Variants in UBE2E2 observed in about 807,000 individuals in gnomAD.
UBE2E2 encodes the protein ubiquitin conjugating enzyme E2 E2, also known as ubiquitin-conjugating enzyme E2 E2.
Under a neutral mutation model 24.7 loss-of-function variants are expected in UBE2E2, and 6 were observed. The observed-to-expected ratio is 0.24, with a 90% CI of 0.13 to 0.48. UBE2E2 has a LOEUF of 0.48. Among genes scored for constraint, UBE2E2 ranks in the 20% least tolerant of loss-of-function variants. The probability of loss-of-function intolerance (pLI) is 0.99; values close to 1 mark genes in which losing one functional copy is unlikely to be tolerated. For missense variants in UBE2E2, 169 were observed against 245.0 expected (o/e 0.69, Z 2.07); for synonymous variants, 104 against 83.6 (o/e 1.24, Z -1.33).
rs937355115 is a variant in UBE2E2 at position 23,265,261 on chromosome 3, T to G, written c.227+47949T>G. Among the ~76,000 whole-genome samples the G allele has an allele frequency of 7.9e-5, 12 of 152,276 alleles. 2 individuals are homozygous for G. The highest frequency in any genetic ancestry group is 2.0e-4 in the Admixed American group (3 of 15,296). On this transcript the variant is annotated intron_variant, in intron 3 of 5. Transcript: ENST00000396703. ...TGAGTATGGTTGAACTTGAAGGGGA[T>G]GGAATTCAGATCATTGAGGGTGGCA...
chr3:23,213,752 G>A (rs1379137115), intron 2 of UBE2E2, among the ~76,000 whole-genome samples: 2 of 152,136 alleles, frequency 1.3e-5, no homozygotes, highest in Non-Finnish European at 2.9e-5. Context: ...AAAATAATTA[G>A]CCTTAGTTTT....
At chr3:23,458,593 A>G (rs1454611823) in intron 3 of UBE2E2, among the ~76,000 whole-genome samples, 1 of 151,944 alleles carries the variant, frequency 6.6e-6, no homozygotes, top group Non-Finnish European at 1.5e-5. Context: ...AATTTTTTGT[A>G]TTTTTAGTAG....
At chr3:23,205,314 T>C (rs1696118210) in intron 1 of UBE2E2, among the ~76,000 whole-genome samples, 1 of 152,182 alleles carries the variant, frequency 6.6e-6, no homozygotes, top group Non-Finnish European at 1.5e-5. Flanking sequence ...GATGAGATAA[T>C]CGGATCAGAT....
chr3:23,236,537 T>C (rs900173682), intron 3 of UBE2E2, among the ~76,000 whole-genome samples: 1 of 151,698 alleles, frequency 6.6e-6, no homozygotes, highest in Non-Finnish European at 1.5e-5. Context: ...GTGTGTATCA[T>C]TATTTATTGC....
intron 3 of UBE2E2, among the ~76,000 whole-genome samples, chr3:23,378,073 T>C (rs1221481897): frequency 6.6e-6 from 1 of 152,030 alleles, no homozygotes; most frequent in African/African-American, 2.4e-5. Context: ...ATGTGAGATA[T>C]ATGACTACAG....
chr3:23,325,920 A>G (rs1694879547), intron 3 of UBE2E2, among the ~76,000 whole-genome samples: 1 of 152,196 alleles, frequency 6.6e-6, no homozygotes, highest in African/African-American at 2.4e-5. Flanking sequence ...CACTGTGAGT[A>G]ATGAGGGGAA....
chr3:23,229,448 AC>A lies in UBE2E2; in HGVS notation c.227+12139del, dbSNP rs375649535. Among the ~76,000 whole-genome samples the A allele has an allele frequency of 1.1e-3, 172 of 152,140 alleles. 2 individuals carry two copies. The highest frequency in any genetic ancestry group is 4.0e-3 in the African/African-American group (166 of 41,502). ...GTCTTTTATCCCTCACCCTCTTCCC[AC>A]CCTTTCCCCCTGAGTCCCCAAAGTC... On this transcript the variant is annotated intron_variant, in intron 3 of 5. Coordinates refer to ENST00000396703, the MANE Select transcript of UBE2E2 (RefSeq NM_152653.4).
chr3:23,400,617 C>CACACACACACACACATACTCA (rs1288530214), intron 3 of UBE2E2, among the ~76,000 whole-genome samples: 2 of 150,518 alleles, frequency 1.3e-5, no homozygotes, highest in African/African-American at 4.9e-5. Flanking sequence ...AACACACACA[C>CACACACACACACACATACTCA]ACACACACAC....
intron 3 of UBE2E2, among the ~76,000 whole-genome samples, chr3:23,333,631 G>A (rs1329830795): frequency 6.6e-6 from 1 of 152,022 alleles, no homozygotes; most frequent in Non-Finnish European, 1.5e-5. Context: ...CATTACAAGA[G>A]AATGATGAAT....
intron 3 of UBE2E2, among the ~76,000 whole-genome samples, chr3:23,229,950 T>C (rs985954892): frequency 1.3e-5 from 2 of 152,240 alleles, no homozygotes; most frequent in Non-Finnish European, 2.9e-5. Flanking sequence ...CTTAAACTTA[T>C]GTTTATATTG....
At chr3:23,379,982 C>A (rs1696625517) in intron 3 of UBE2E2, among the ~76,000 whole-genome samples, 3 of 150,802 alleles carry the variant, frequency 2.0e-5, no homozygotes, top group Non-Finnish European at 2.9e-5. Context: ...CTCCCAGATA[C>A]TGTCACTTTA....
intron 5 of UBE2E2, among the ~76,000 whole-genome samples, chr3:23,581,411 G>T (rs1696475040): frequency 6.6e-6 from 1 of 152,120 alleles, no homozygotes; most frequent in Non-Finnish European, 1.5e-5. Context: ...GCTGAGTTTG[G>T]ATTTTATCTG....
At chr3:23,205,545 T>G (rs1696124694) in intron 1 of UBE2E2, among the ~76,000 whole-genome samples, 1 of 152,152 alleles carries the variant, frequency 6.6e-6, no homozygotes, top group Non-Finnish European at 1.5e-5. Context: ...AATCAAGCAT[T>G]CAAAAAACAA....
chr3:23,571,280 CTTTTTTTTTT>C lies in UBE2E2; in HGVS notation c.509-18436_509-18427del, dbSNP rs59243406. Among the ~76,000 whole-genome samples the C allele has an allele frequency of 7.7e-4, 23 of 29,882 alleles. 1 individual carries two copies. The highest frequency in any genetic ancestry group is 2.3e-3 in the South Asian group (1 of 440). 19.6% of individuals were successfully genotyped at this position (29,882 alleles called of 152,430 possible). A position where few individuals can be genotyped will look rare whatever the true frequency, so the allele number is the denominator to read the frequency against. On this transcript the variant is annotated intron_variant, in intron 5 of 5. Transcript: ENST00000396703. ...AGTCCCCTCACCTGTGTGCTCCTTT[CTTTTTTTTTT>C]TTTTTTTTTTTTTTTTTGAGACAGA...
chr3:23,280,433 A>G lies in UBE2E2; in HGVS notation c.227+63121A>G, dbSNP rs1698467455. On this transcript the variant is annotated intron_variant, in intron 3 of 5. Transcript: ENST00000396703. This position sits in a 1 kb window ranked among gnomAD's most constrained non-coding sequence, Gnocchi z 4.3. ...ATCACACTGGTGCCACTTTAACTGGAAAGTTTTGAGGGATTGTGAATGGTG... is the reference window on the plus strand; with the variant it reads ...ATCACACTGGTGCCACTTTAACTGGGAAGTTTTGAGGGATTGTGAATGGTG... Among the ~76,000 whole-genome samples the G allele has an allele frequency of 6.6e-6, 1 of 152,136 alleles. No homozygotes were observed. The highest frequency in any genetic ancestry group is 2.4e-5 in the African/African-American group (1 of 41,424).
At chr3:23,393,009 C>A (rs188311561) in intron 3 of UBE2E2, among the ~76,000 whole-genome samples, 1 of 152,274 alleles carries the variant, frequency 6.6e-6, no homozygotes, top group African/African-American at 2.4e-5. Context: ...CCAAATCTTA[C>A]AGAGCCTTGG....
chr3:23,218,549 G>C (rs1696543118), intron 3 of UBE2E2, among the ~76,000 whole-genome samples: 1 of 151,736 alleles, frequency 6.6e-6, no homozygotes, highest in African/African-American at 2.4e-5. Flanking sequence ...TTAATGGTCT[G>C]AATCTTTAAA....
intron 3 of UBE2E2, among the ~76,000 whole-genome samples, chr3:23,459,261 A>G (rs1226108313): frequency 6.6e-6 from 1 of 152,244 alleles, no homozygotes; most frequent in Non-Finnish European, 1.5e-5. Flanking sequence ...TTTATGGTTC[A>G]GATATTTTTG....
At chr3:23,339,240 A>C (rs149100007) in intron 3 of UBE2E2, among the ~76,000 whole-genome samples, 1 of 152,304 alleles carries the variant, frequency 6.6e-6, no homozygotes, top group East Asian at 1.9e-4. Context: ...ATTTTTAGAA[A>C]GTGTCAAGAT....
Sources: gnomAD v4.1 joint callset for allele counts (sites outside exome capture counted in the v4.1 genomes callset) on GRCh38, gnomAD v4.1.1 for gene constraint, Gnocchi (gnomAD v3.1) non-coding constraint, MANE v1.5 for transcripts, NCBI Gene and HGNC (gene_info 2026-07-23, HGNC 2026-07-21) for gene names.